SYTL2: variants seen among roughly 807,000 people sequenced by gnomAD.
The protein encoded by SYTL2 is synaptotagmin-like protein 2.
Under a neutral mutation model 198.7 loss-of-function variants are expected in SYTL2, and 165 were observed. That is an observed-to-expected ratio of 0.83 (90% CI 0.73 to 0.94). The LOEUF (loss-of-function observed/expected upper bound fraction) is 0.94. SYTL2 is among the 40% of genes least tolerant of loss of function. The probability of loss-of-function intolerance (pLI) is 0.00; values close to 1 mark genes in which losing one functional copy is unlikely to be tolerated. For missense variants in SYTL2, 2,835 were observed against 2,582.8 expected (o/e 1.10, Z -2.12); for synonymous variants, 966 against 917.7 (o/e 1.05, Z -0.95).
At chr11:85,787,808 G>T (rs1404696501) in intron 1 of SYTL2, among the ~76,000 whole-genome samples, 1 of 147,832 alleles carries the variant, frequency 6.8e-6, no homozygotes, top group African/African-American at 2.5e-5. Flanking sequence ...CTCTAAGAAT[G>T]GTGGGCTAGA....
At chr11:85,749,899 T>C (rs1433399030) in intron 2 of SYTL2, among the ~76,000 whole-genome samples, 2 of 152,188 alleles carry the variant, frequency 1.3e-5, no homozygotes, top group African/African-American at 4.8e-5. Context: ...CATCTTTGTT[T>C]AGTGTCTGGA....
intron 4 of SYTL2, 126 bp downstream of exon 4, chr11:85,745,511 A>G (rs1257481513): frequency 1.1e-5 from 11 of 1,031,844 alleles, no homozygotes; most frequent in Admixed American, 2.2e-5. Flanking sequence ...TCTCTCATAC[A>G]CTGCCCCTTC....
the SYTL2 span, among the ~76,000 whole-genome samples, chr11:85,836,371 T>C: frequency 6.6e-6 from 1 of 152,128 alleles, no homozygotes; most frequent in Non-Finnish European, 1.5e-5. Context: ...ACGTATACAT[T>C]TAGTGAGGTT....
chr11:85,699,531 C>T (rs2083920854), intron 17 of SYTL2, among the ~76,000 whole-genome samples: 1 of 151,992 alleles, frequency 6.6e-6, no homozygotes, highest in African/African-American at 2.4e-5. Context: ...GCAATCCAGC[C>T]TGAAAATATG....
chr11:85,833,729 C>CTTTTT, the SYTL2 span, among the ~76,000 whole-genome samples: 3 of 121,162 alleles, frequency 2.5e-5, no homozygotes, highest in Non-Finnish European at 3.4e-5. Context: ...TCGAAGATTT[C>CTTTTT]TTTTTTTTTT....
chr11:85,829,057 TTTTTTG>T, the SYTL2 span, among the ~76,000 whole-genome samples: 4 of 150,578 alleles, frequency 2.7e-5, no homozygotes, highest in African/African-American at 9.8e-5. Context: ...CTGTTTTTTT[TTTTTTG>T]TTTGTTTGTT....
chr11:85,717,564 A>G (rs1277882678), intron 10 of SYTL2, 34 bp from the exon 11 acceptor site: 1 of 1,555,988 alleles, frequency 6.4e-7, no homozygotes, highest in African/African-American at 1.4e-5. Flanking sequence ...AATAAATACC[A>G]TTTTAACAGA....
At chr11:85,826,583 A>G in the SYTL2 span, among the ~76,000 whole-genome samples, 1 of 152,234 alleles carries the variant, frequency 6.6e-6, no homozygotes. Flanking sequence ...GTGCTGGTCT[A>G]GGGAGCCAGC....
the SYTL2 span, among the ~76,000 whole-genome samples, chr11:85,850,114 T>C: frequency 6.8e-6 from 1 of 146,802 alleles, no homozygotes; most frequent in Admixed American, 6.9e-5. Flanking sequence ...ATAAGAATGC[T>C]TGTGATTTTT....
chr11:85,733,350 T>C (rs958662698), intron 7 of SYTL2, among the ~76,000 whole-genome samples: 2 of 152,196 alleles, frequency 1.3e-5, no homozygotes, highest in Non-Finnish European at 2.9e-5. Context: ...AAAAACATTG[T>C]CATTTGTTTA....
the SYTL2 span, among the ~76,000 whole-genome samples, chr11:85,833,098 A>AGAAAGAAAGAAAGAAAGAAGGAAG: frequency 3.1e-5 from 1 of 32,472 alleles, no homozygotes; most frequent in East Asian, 8.0e-4. Context: ...AAAGAAAGAA[A>AGAAAGAAAGAAAGAAAGAAGGAAG]GAAGGAAGGA....
At chr11:85,732,226 G>A (rs2089894520) in intron 7 of SYTL2, among the ~76,000 whole-genome samples, 1 of 152,166 alleles carries the variant, frequency 6.6e-6, no homozygotes, top group Admixed American at 6.5e-5. Flanking sequence ...ATTTGACCCA[G>A]CAATCCCATT....
In SYTL2 at chr11:85,695,033, T is replaced by C; in HGVS notation, c.*162A>G. On this transcript the variant is annotated 3_prime_UTR_variant, in exon 20 of 20. Transcript: ENST00000359152. ...TTGTTATATTTAAATCCCTTGGGCCTTGTAATCAAAGAAGCACATGCAGAT... is the reference window on the plus strand; with the variant it reads ...TTGTTATATTTAAATCCCTTGGGCCCTGTAATCAAAGAAGCACATGCAGAT... The C allele has an allele frequency of 1.7e-6, 1 of 573,660 alleles. No homozygotes were observed. The highest frequency in any genetic ancestry group is 2.9e-6 in the Non-Finnish European group (1 of 343,930). The allele number at this position is 573,660 out of a possible 1,614,324, so 35.5% of individuals were successfully genotyped here.
intron 2 of SYTL2, among the ~76,000 whole-genome samples, chr11:85,754,191 T>C (rs17148417): frequency 0.056 from 8,549 of 152,266 alleles, 762 homozygotes; most frequent in African/African-American, 0.19. Flanking sequence ...ATTGAGATTT[T>C]AAATTTGCAA....
At chr11:85,709,000 A>G (rs375897827) in intron 14 of SYTL2, among the ~76,000 whole-genome samples, 5 of 151,494 alleles carry the variant, frequency 3.3e-5, no homozygotes, top group South Asian at 4.2e-4. Context: ...CACCACGCCC[A>G]GCTAATTTTT....
chr11:85,731,792 A>G (rs1191911733), intron 7 of SYTL2, among the ~76,000 whole-genome samples: 1 of 152,204 alleles, frequency 6.6e-6, no homozygotes, highest in African/African-American at 2.4e-5. Context: ...CAGAGTGAAG[A>G]GGCAACCTAC....
At chr11:85,797,919 T>G (rs976842244) in intron 1 of SYTL2, among the ~76,000 whole-genome samples, 2 of 152,088 alleles carry the variant, frequency 1.3e-5, no homozygotes, top group African/African-American at 4.8e-5. Flanking sequence ...AGTGGTGCAA[T>G]GTCGGCTCAC....
chr11:85,833,010 GA>G, the SYTL2 span, among the ~76,000 whole-genome samples: 597 of 54,162 alleles, frequency 0.011, 38 homozygotes, highest in Middle Eastern at 0.038. Context: ...AAAAAAGAAA[GA>G]AAAGAAAGAA....
intron 4 of SYTL2, among the ~76,000 whole-genome samples, 184 bp downstream of exon 4, chr11:85,745,453 G>A (rs2091084464): frequency 6.6e-6 from 1 of 152,128 alleles, no homozygotes; most frequent in South Asian, 2.1e-4. Flanking sequence ...AATTCTGGAA[G>A]CTGAGAAAGA....
Sources: gnomAD v4.1 joint callset for allele counts (sites outside exome capture counted in the v4.1 genomes callset) on GRCh38, gnomAD v4.1.1 for gene constraint, MANE v1.5 for transcripts, NCBI Gene and HGNC (gene_info 2026-07-23, HGNC 2026-07-21) for gene names.